DEPDC5: variants seen among roughly 807,000 people sequenced by gnomAD.
DEPDC5 encodes GATOR1 complex protein DEPDC5.
Under a neutral mutation model 217.3 loss-of-function variants are expected in DEPDC5, and 73 were observed. That is an observed-to-expected ratio of 0.34 (90% CI 0.28 to 0.41). The LOEUF (loss-of-function observed/expected upper bound fraction) is 0.41, where lower values mean the gene tolerates loss of function less well. DEPDC5 is among the 10% of genes least tolerant of loss of function. The pLI, the probability that DEPDC5 is intolerant of heterozygous loss-of-function variation, is 1.00. For synonymous variants in DEPDC5, 733 were observed against 756.7 expected, an observed-to-expected ratio of 0.97 and a Z score of 0.51; for missense variants, 1,675 against 2,070.1, an observed-to-expected ratio of 0.81 and a Z score of 3.70.
Position 31,821,616 on chromosome 22 carries a change from C to T in DEPDC5, c.1985C>T (p.Ala662Val). 1 of 1,613,820 alleles carries T rather than the reference C, an allele frequency of 6.2e-7. No homozygotes were observed. Among genetic ancestry groups the T allele is most frequent in the African/African-American group, 1.3e-5 (1 of 75,032 alleles). ...TCCTCTGCAGAGCTGCTGGAGTTAGCATATCATGAAGCTGCTGGAAGGTGA... is the reference window on the plus strand; with the variant it reads ...TCCTCTGCAGAGCTGCTGGAGTTAGTATATCATGAAGCTGCTGGAAGGTGA... ...THSSAELLEL[A>V]YHEAAGRHSN... Residue 662 changes from alanine to valine, a missense_variant, in exon 23 of 43, where the codon GCA becomes GTA. This residue lies in a region of DEPDC5 where 136 missense variants were observed against 132.2 expected (regional missense o/e 1.03). Transcript: ENST00000651528.
At chr22:31,773,109 T>G (rs1409460645) in intron 7 of DEPDC5, among the ~76,000 whole-genome samples, 2 of 152,148 alleles carry the variant, frequency 1.3e-5, no homozygotes, top group African/African-American at 4.8e-5. Context: ...AGTTCTTTGT[T>G]TCTCTATGTA....
chr22:31,767,793 C>T (rs1350416262), intron 6 of DEPDC5, among the ~76,000 whole-genome samples: 2 of 151,704 alleles, frequency 1.3e-5, no homozygotes, highest in Non-Finnish European at 2.9e-5. Context: ...GTCACCCAGG[C>T]TGGAGTGCAG....
chr22:31,805,506 CTT>C (rs1018325994), intron 17 of DEPDC5, among the ~76,000 whole-genome samples: 2 of 145,154 alleles, frequency 1.4e-5, no homozygotes, highest in African/African-American at 2.5e-5. Context: ...TTCTTTCTTT[CTT>C]TTTTTTTTTT....
chr22:31,837,069 C>T lies in DEPDC5; in HGVS notation c.2268C>T (p.Thr756=). Residue 756 remains threonine, a synonymous_variant, in exon 26 of 43, where the codon ACC becomes ACT. Coordinates refer to ENST00000651528, the MANE Select transcript of DEPDC5 (RefSeq NM_001242896.3). ...SLTTPACLPL[T]TDYFPDRQGL... Reference sequence around the variant, plus strand: ...CTACTCCGGCGTGCCTCCCCCTTACCACCGACTACTTCCCTGACCGCCAGG... The same window carrying T: ...CTACTCCGGCGTGCCTCCCCCTTACTACCGACTACTTCCCTGACCGCCAGG... The T allele has an allele frequency of 6.2e-7, 1 of 1,614,214 alleles. No homozygotes were observed. Among genetic ancestry groups the T allele is most frequent in the Non-Finnish European group, 8.5e-7 (1 of 1,180,038 alleles).
chr22:31,873,362 A>G, intron 35 of DEPDC5, 30 bp downstream of exon 35: 1 of 1,605,184 alleles, frequency 6.2e-7, no homozygotes, highest in Non-Finnish European at 8.5e-7. Flanking sequence ...GTAGGGTTGG[A>G]AGGTTCCCAG....
intron 5 of DEPDC5, among the ~76,000 whole-genome samples, chr22:31,765,404 C>G (rs1368822921): frequency 6.6e-6 from 1 of 152,118 alleles, no homozygotes. Context: ...ATTCTCCTGC[C>G]TCAGCCTCCT....
chr22:31,849,538 T>C lies in DEPDC5; in HGVS notation c.3155+2571T>C, dbSNP rs2091914778. Among the ~76,000 whole-genome samples the C allele has an allele frequency of 8.6e-5, 13 of 152,042 alleles. No homozygotes were observed. The South Asian group carries it at 2.7e-3, about 32-fold the overall frequency. The stretch of plus-strand genomic sequence containing the variant: ...GCTCACACCTGTAATCCCAGCACTT[T>C]GGGAGGCCTAGGTGGGTGAATCACC... On this transcript the variant is annotated intron_variant, in intron 31 of 42. Coordinates refer to ENST00000651528, the MANE Select transcript of DEPDC5 (RefSeq NM_001242896.3).
chr22:31,778,079 T>G lies in DEPDC5; in HGVS notation c.414-20T>G, dbSNP rs2084059160. 1 of 1,613,708 alleles carries G rather than the reference T, an allele frequency of 6.2e-7. No individual in the cohort carries two copies. Among genetic ancestry groups the G allele is most frequent in the African/African-American group, 1.3e-5 (1 of 75,042 alleles). On this transcript the variant is annotated intron_variant, in intron 7 of 42. Coordinates refer to ENST00000651528, the MANE Select transcript of DEPDC5 (RefSeq NM_001242896.3). ...GGTTTCATGTAAGACTTGTAATAAC[T>G]TGTGTGTGTATTCTTTCAGAGCACA... is the stretch of plus-strand genomic sequence containing the variant.
chr22:31,906,277 C>A lies in DEPDC5; in HGVS notation c.4592C>A (p.Thr1531Asn), dbSNP rs1064794532. The A allele has an allele frequency of 1.2e-6, 2 of 1,613,800 alleles. No individual in the cohort carries two copies. Among genetic ancestry groups the A allele is most frequent in the African/African-American group, 2.7e-5 (2 of 74,950 alleles). Residue 1531 changes from threonine to asparagine, a missense_variant, in exon 43 of 43, where the codon ACC (threonine) becomes AAC (asparagine). Around this residue, in one of 11 missense-constraint regions of DEPDC5, gnomAD observed 42 missense variants for 27.7 expected, o/e 1.51. Coordinates refer to ENST00000651528, the MANE Select transcript of DEPDC5 (RefSeq NM_001242896.3). The surrounding 1 kb of genome is among the most constrained non-coding windows in gnomAD (Gnocchi z 5.1). ...CAGCAGCGGCGGCGGCGGAACTCCA[C>A]CAGCTCCACCAACCAGAACATGTTC... ...SGQQRRRRNS[T>N]SSTNQNMFCE... is the part of the protein sequence containing the mutation.
At chr22:31,864,235 AGTAGTT>A (rs2092610302) in intron 33 of DEPDC5, among the ~76,000 whole-genome samples, 1 of 150,282 alleles carries the variant, frequency 6.7e-6, no homozygotes, top group Non-Finnish European at 1.5e-5. Context: ...CAGCCTCCCT[AGTAGTT>A]GGGATTACAG....
rs777006801 is a variant in DEPDC5, at chr22:31,873,236, C to G, written c.3486-19C>G. 6.2e-7 allele frequency: 1 copy of G among 1,613,932 alleles called. No homozygotes were observed. The highest frequency in any genetic ancestry group is 8.5e-7 in the Non-Finnish European group (1 of 1,179,900). On this transcript the variant is annotated intron_variant, in intron 34 of 42. Transcript: ENST00000651528. ...ATACGTGCCATCTTGCTTTGCTGAC[C>G]TGACACCCTGTGTTACAGCTCTCAG...
chr22:31,885,446 CT>C (rs2093282709), intron 38 of DEPDC5, among the ~76,000 whole-genome samples: 1 of 152,224 alleles, frequency 6.6e-6, no homozygotes, highest in Admixed American at 6.5e-5. Flanking sequence ...CATGTGTGGG[CT>C]GGGCGCGGTG....
intron 22 of DEPDC5, among the ~76,000 whole-genome samples, chr22:31,820,566 G>A (rs1272562871): frequency 2.0e-5 from 3 of 151,956 alleles, no homozygotes; most frequent in East Asian, 1.9e-4. Context: ...CCTAAACCCC[G>A]TTCTGCCCCC....
intron 31 of DEPDC5, among the ~76,000 whole-genome samples, chr22:31,855,867 A>G (rs1377993189): frequency 6.8e-6 from 1 of 147,844 alleles, no homozygotes; most frequent in Non-Finnish European, 1.5e-5. Context: ...CTATGGAAAC[A>G]TATTTTTGCA....
At position 31,870,760 on chromosome 22, in the gene DEPDC5, G is replaced by C; in HGVS notation, c.3485+16G>C. ...GTGACAGCAGGTGAGATTCAGAGTGGCCAAACTCATGTTCCTGGGGAGTGG... is the reference window on the plus strand; with the variant it reads ...GTGACAGCAGGTGAGATTCAGAGTGCCCAAACTCATGTTCCTGGGGAGTGG... On this transcript the variant is annotated intron_variant, in intron 34 of 42. Coordinates refer to ENST00000651528, the MANE Select transcript of DEPDC5 (RefSeq NM_001242896.3). The C allele has an allele frequency of 6.5e-7, 1 of 1,532,840 alleles. No individual in the cohort carries two copies. The highest frequency in any genetic ancestry group is 1.3e-5 in the South Asian group (1 of 77,734). The allele number at this position is 1,532,840 out of a possible 1,614,324, so 95.0% of individuals were successfully genotyped here.
chr22:31,756,038 A>ATTTTTTT (rs35222514), intron 2 of DEPDC5, among the ~76,000 whole-genome samples: 2 of 116,864 alleles, frequency 1.7e-5, no homozygotes, highest in Non-Finnish European at 3.6e-5. Flanking sequence ...ACACCTGGCT[A>ATTTTTTT]TTTTTTTTTT....
Position 31,804,515 on chromosome 22 carries a change from C to T in DEPDC5, c.1143+292C>T, listed in dbSNP as rs2087261280. ...AGTGCAATGGTGCGATGTTGGCTCACTGCAACCTCTGCCTCCCGGGTTCAA... is the reference window on the plus strand; with the variant it reads ...AGTGCAATGGTGCGATGTTGGCTCATTGCAACCTCTGCCTCCCGGGTTCAA... On this transcript the variant is annotated intron_variant, in intron 16 of 42. Transcript: ENST00000651528. 2.0e-5 allele frequency among the ~76,000 whole-genome samples: 3 copies of T among 152,204 alleles called. No homozygotes were observed. In the South Asian group the frequency reaches 6.2e-4, roughly 32 times the overall value.
At chr22:31,805,560 A>C (rs971184842) in intron 17 of DEPDC5, among the ~76,000 whole-genome samples, 2 of 151,130 alleles carry the variant, frequency 1.3e-5, no homozygotes, top group East Asian at 3.9e-4. Flanking sequence ...GAGTGCAGTG[A>C]CATGATCTTG....
At chr22:31,804,061 T>C (rs1202304613) in intron 15 of DEPDC5, 101 bp from the exon 16 acceptor site, 11 of 1,081,394 alleles carry the variant, frequency 1.0e-5, no homozygotes, top group Admixed American at 2.0e-5. Flanking sequence ...AATGGTAAGT[T>C]AGCTTTGCCT....
Sources: gnomAD v4.1 joint callset for allele counts (sites outside exome capture counted in the v4.1 genomes callset) on GRCh38, gnomAD v4.1.1 for gene constraint, gnomAD v4.1.1 regional missense constraint, Gnocchi (gnomAD v3.1) non-coding constraint, MANE v1.5 for transcripts, NCBI Gene and HGNC (gene_info 2026-07-23, HGNC 2026-07-21) for gene names.